HPS1: variants seen among roughly 807,000 people sequenced by gnomAD.
HPS1 encodes the protein HPS1 biogenesis of lysosomal organelles complex 3 subunit 1, also known as BLOC-3 complex member HPS1.
HPS1 carries 59 observed loss-of-function variants against 90.6 expected under a neutral mutation model. That is an observed-to-expected ratio of 0.65 (90% CI 0.53 to 0.81). HPS1 has a LOEUF of 0.81. Ranked by LOEUF, HPS1 falls within the 30% of genes least tolerant of loss-of-function variation. The pLI, the probability that HPS1 is intolerant of heterozygous loss-of-function variation, is 0.00. For missense variants in HPS1, 849 were observed against 896.7 expected, an observed-to-expected ratio of 0.95 and a Z score of 0.68; for synonymous variants, 388 against 384.4, an observed-to-expected ratio of 1.01 and a Z score of -0.11.
chr10:98,431,202 G>A lies in HPS1; in HGVS notation c.597C>T (p.Pro199=), dbSNP rs113520308. The A allele has an allele frequency of 6.8e-4, 1,098 of 1,614,058 alleles. 15 individuals carry two copies. The African/African-American group carries it at 0.012, about 18-fold the overall frequency. The change falls in exon 7 of 20, where the codon CCC becomes CCT. Residue 199 remains proline, a synonymous_variant. Coordinates refer to ENST00000361490, the MANE Select transcript of HPS1 (RefSeq NM_000195.5). ...RHVIQAVNTS[P]ERGGEEALHA... Reference sequence around the variant, plus strand: ...GCAGGGCCTCCTCGCCTCCCCGCTCGGGGCTGGTGTTGACAGCCTGGATGA... The same window carrying A: ...GCAGGGCCTCCTCGCCTCCCCGCTCAGGGCTGGTGTTGACAGCCTGGATGA...
intron 13 of HPS1, among the ~76,000 whole-genome samples, chr10:98,425,184 G>A (rs765536174): frequency 1.3e-5 from 2 of 152,234 alleles, no homozygotes; most frequent in African/African-American, 4.8e-5. Context: ...GAGGAAGCCC[G>A]TGACGGGCGG....
chr10:98,414,286 T>C (rs1590986715), downstream of HPS1: 1 of 152,218 alleles, frequency 6.6e-6, no homozygotes, highest in East Asian at 1.9e-4. Context: ...AATCATGCAT[T>C]TGGGGCCCTC....
At chr10:98,442,988 G>A in intron 3 of HPS1, 136 bp downstream of exon 3, 1 of 778,868 alleles carries the variant, frequency 1.3e-6, no homozygotes. Flanking sequence ...TGTGAAGGAT[G>A]CTGGACCCCA....
intron 17 of HPS1, 88 bp from the exon 18 acceptor site, chr10:98,420,246 C>T (rs551678665): frequency 2.4e-5 from 22 of 934,132 alleles, no homozygotes; most frequent in Admixed American, 1.6e-4. Flanking sequence ...AGGGCACAGC[C>T]GAGAAGCTCC....
intron 9 of HPS1, 57 bp from the exon 10 acceptor site, chr10:98,429,699 C>A (rs1407228634): frequency 1.3e-5 from 21 of 1,613,970 alleles, no homozygotes; most frequent in Non-Finnish European, 1.5e-5. Context: ...TCAACCCTGT[C>A]CCTGCTCTCC....
chr10:98,446,569 C>T lies in HPS1; in HGVS notation c.-106+238G>A, dbSNP rs571297882. Among the ~76,000 whole-genome samples, 291 of 152,286 alleles carry T rather than the reference C, an allele frequency of 1.9e-3. 1 individual carries two copies. The highest frequency in any genetic ancestry group is 6.5e-3 in the African/African-American group (272 of 41,578). On this transcript the variant is annotated intron_variant, in intron 1 of 19. Transcript: ENST00000361490. ...AGAGAGCGAGTCAGCAGTTCGCCGC[C>T]GCGGGGCTCCCGTTTGCCTAGCACG...
intron 16 of HPS1, 138 bp from the exon 17 acceptor site, chr10:98,422,651 C>G (rs1184906384): frequency 5.9e-6 from 5 of 846,602 alleles, no homozygotes; most frequent in Admixed American, 1.8e-5. Context: ...TTCAGCTAAG[C>G]CCCCTGTATC....
chr10:98,423,918 G>A, intron 14 of HPS1, 31 bp from the exon 15 acceptor site: 1 of 1,611,494 alleles, frequency 6.2e-7, no homozygotes, highest in Non-Finnish European at 8.5e-7. Context: ...CATTACAGCA[G>A]AAGGGACCTA....
chr10:98,425,623 G>A lies in HPS1; in HGVS notation c.1253C>T (p.Ser418Phe), dbSNP rs761046186. The change falls in exon 13 of 20, where the codon TCC becomes TTC. Residue 418 changes from serine to phenylalanine, a missense_variant. Coordinates refer to ENST00000361490, the MANE Select transcript of HPS1 (RefSeq NM_000195.5). ...KLKEGPEPGA[S>F]LRSQPLVGDL... ...TCCCACGAGGGGCTGGGAGCGCAGGGAGGCCCCGGGCTCCGGCCCTTCCTT... is the reference window on the plus strand; with the variant it reads ...TCCCACGAGGGGCTGGGAGCGCAGGAAGGCCCCGGGCTCCGGCCCTTCCTT... The A allele has an allele frequency of 6.2e-7, 1 of 1,613,832 alleles. No individual in the cohort carries two copies. The highest frequency in any genetic ancestry group is 8.5e-7 in the Non-Finnish European group (1 of 1,179,928).
Position 98,417,471 on chromosome 10 carries a change from C to T in HPS1, c.*93G>A. 3 of 1,178,816 alleles carry T rather than the reference C, an allele frequency of 2.5e-6. No homozygotes were observed. Among genetic ancestry groups the T allele is most frequent in the South Asian group, 1.5e-5 (1 of 68,248 alleles). The allele number at this position is 1,178,816 out of a possible 1,614,324, so 73.0% of individuals were successfully genotyped here. Reference sequence around the variant, plus strand: ...GCACTCTGCCCTATCCTCAGGATGGCCACTGCAGACAGGAGGCTCTCGTCA... The same window carrying T: ...GCACTCTGCCCTATCCTCAGGATGGTCACTGCAGACAGGAGGCTCTCGTCA... On this transcript the variant is annotated 3_prime_UTR_variant, in exon 20 of 20. Coordinates refer to ENST00000361490, the MANE Select transcript of HPS1 (RefSeq NM_000195.5). The surrounding 1 kb of genome is among the most constrained non-coding windows in gnomAD (Gnocchi z 4.2).
At chr10:98,421,694 C>T (rs544692946) in intron 17 of HPS1, among the ~76,000 whole-genome samples, 4 of 152,344 alleles carry the variant, frequency 2.6e-5, no homozygotes, top group Admixed American at 2.0e-4. Context: ...ACTGAATGAA[C>T]TGTATCTGTA....
rs1377105749 is a variant in HPS1, at chr10:98,423,594, T to C, written c.1598+9A>G. 4 of 1,613,626 alleles carry C rather than the reference T, an allele frequency of 2.5e-6. No homozygotes were observed. The highest frequency in any genetic ancestry group is 2.5e-6 in the Non-Finnish European group (3 of 1,179,802). ...TGTTGGGCTGGCTGGGGCCCCGGCG[T>C]CAGGATATGACACCATGGTGATGTT... On this transcript the variant is annotated intron_variant, in intron 16 of 19. Coordinates refer to ENST00000361490, the MANE Select transcript of HPS1 (RefSeq NM_000195.5).
intron 3 of HPS1, among the ~76,000 whole-genome samples, chr10:98,436,860 G>A (rs760521785): frequency 3.3e-5 from 5 of 152,184 alleles, no homozygotes; most frequent in Non-Finnish European, 5.9e-5. Flanking sequence ...ACTGGCCAGC[G>A]GGAAGGTGCA....
Position 98,417,680 on chromosome 10 carries a change from T to A in HPS1, c.1987A>T (p.Arg663Trp). 1 of 1,613,812 alleles carries A rather than the reference T, an allele frequency of 6.2e-7. No homozygotes were observed. Among genetic ancestry groups the A allele is most frequent in the Non-Finnish European group, 8.5e-7 (1 of 1,179,944 alleles). Reference sequence around the variant, plus strand: ...TGCAGGGCCAGCAGCTCGTAGCACCTGACAGCCTCGGTTGGGCGGTTCTTG... The same window carrying A: ...TGCAGGGCCAGCAGCTCGTAGCACCAGACAGCCTCGGTTGGGCGGTTCTTG... ...YSKNRPTEAV[R>W]CYELLALHLS... The change falls in exon 20 of 20, where the codon AGG becomes TGG. Residue 663 changes from arginine (R) to tryptophan (W), a missense_variant. Arg to Trp is a moderately radical substitution (Grantham distance 101). Coordinates refer to ENST00000361490, the MANE Select transcript of HPS1 (RefSeq NM_000195.5). This position sits in a 1 kb window ranked among gnomAD's most constrained non-coding sequence, Gnocchi z 4.2.
In HPS1 at chr10:98,431,309, G is replaced by T; in HGVS notation, c.508-18C>A. 7 of 1,612,696 alleles carry T rather than the reference G, an allele frequency of 4.3e-6. No homozygotes were observed. The highest frequency in any genetic ancestry group is 5.9e-6 in the Non-Finnish European group (7 of 1,179,802). On this transcript the variant is annotated intron_variant, in intron 6 of 19. Transcript: ENST00000361490. ...TCCAGGGCCTAGCCAGGGCAGGAAG[G>T]GAGAGGAAGCCATATCACCAACAAC... is the stretch of plus-strand genomic sequence containing the variant.
In HPS1 at chr10:98,420,134, G is replaced by A. The variant is rs956710889; in HGVS notation, c.1768C>T (p.Arg590Cys). 9 of 1,613,550 alleles carry A rather than the reference G, an allele frequency of 5.6e-6. No homozygotes were observed. The East Asian group carries it at 8.9e-5, about 16-fold the overall frequency. ...TKVWSLIQLA[R>C]RYLQKGYTTL... The stretch of plus-strand genomic sequence containing the variant: ...GTGTAGCCCTTCTGCAGGTATCTGC[G>A]CGCCAGCTGGATCAGAGACCAGACC... The change falls in exon 18 of 20, where the codon CGC (arginine) becomes TGC (cysteine). Residue 590 changes from arginine to cysteine, a missense_variant. Arg to Cys is a radical substitution (Grantham distance 180, BLOSUM62 -3). Transcript: ENST00000361490.
intron 2 of HPS1, among the ~76,000 whole-genome samples, chr10:98,444,595 T>C (rs1378969455): frequency 1.3e-5 from 2 of 152,338 alleles, no homozygotes; most frequent in East Asian, 3.9e-4. Context: ...CACAAGTGGA[T>C]TTCCAGTTTT....
At chr10:98,422,560 C>T (rs754759577) in intron 16 of HPS1, 47 bp from the exon 17 acceptor site, 8 of 1,599,264 alleles carry the variant, frequency 5.0e-6, no homozygotes, top group Non-Finnish European at 6.9e-6. Context: ...CTAGGGACGG[C>T]CTGCCTCTGT....
rs1441931485 is a variant in HPS1 at position 98,417,588 on chromosome 10, CT to C, written c.2078del (p.Glu693GlyfsTer32). On this transcript the variant is annotated frameshift_variant, in exon 20 of 20. Coordinates refer to ENST00000361490, the MANE Select transcript of HPS1 (RefSeq NM_000195.5). LOFTEE classifies it high-confidence loss of function. The surrounding 1 kb of genome is among the most constrained non-coding windows in gnomAD (Gnocchi z 4.2). ...QAGQLARRLWEASRIPLL is the reference protein window; with the variant it reads ...QAGQLARRLWXASRIPLL ...CCTAGAGCAGGGGGATACGGGAGGC[CT>C]CCCAGAGGCGCCGGGCCAGCTGGCC... The C allele has an allele frequency of 6.2e-7, 1 of 1,611,754 alleles. No individual in the cohort carries two copies. Among genetic ancestry groups the C allele is most frequent in the East Asian group, 2.2e-5 (1 of 44,846 alleles).
Sources: gnomAD v4.1 joint callset for allele counts (sites outside exome capture counted in the v4.1 genomes callset) on GRCh38, gnomAD v4.1.1 for gene constraint, Gnocchi (gnomAD v3.1) non-coding constraint, MANE v1.5 for transcripts, NCBI Gene and HGNC (gene_info 2026-07-23, HGNC 2026-07-21) for gene names.